Variants in FAP observed in about 807,000 individuals in gnomAD.
The protein encoded by FAP is fibroblast activation protein alpha, also known as prolyl endopeptidase FAP.
Under a neutral mutation model 126.5 loss-of-function variants are expected in FAP, and 110 were observed. The observed-to-expected ratio is 0.87, with a 90% CI of 0.74 to 1.02. The LOEUF (loss-of-function observed/expected upper bound fraction) is 1.02. FAP is among the 50% of genes least tolerant of loss of function. The pLI is 0.00. For missense variants in FAP, 919 were observed against 909.2 expected (o/e 1.01, Z -0.14); for synonymous variants, 334 against 297.3 (o/e 1.12, Z -1.27).
intron 20 of FAP, among the ~76,000 whole-genome samples, chr2:162,187,778 G>GC (rs1191561287): frequency 6.6e-6 from 1 of 152,050 alleles, no homozygotes; most frequent in Non-Finnish European, 1.5e-5. Flanking sequence ...AAAATCTTGA[G>GC]CCATTTCTAA....
rs551585200 is a variant in FAP at position 162,214,161 on chromosome 2, A to T, written c.867-88T>A. Reference sequence around the variant, plus strand: ...TTAATTTTTGTTTTCTAAAGGATATATGTCATTATTATACATTACTTATTT... The same window carrying T: ...TTAATTTTTGTTTTCTAAAGGATATTTGTCATTATTATACATTACTTATTT... On this transcript the variant is annotated intron_variant, in intron 10 of 25. Coordinates refer to ENST00000188790, the MANE Select transcript of FAP (RefSeq NM_004460.5). 134 of 1,278,246 alleles carry T rather than the reference A, an allele frequency of 1.0e-4. No individual in the cohort carries two copies. In the African/African-American group the frequency reaches 1.9e-3, roughly 18 times the overall value. The allele number at this position is 1,278,246 out of a possible 1,614,324, so 79.2% of individuals were successfully genotyped here. A position where few individuals can be genotyped will look rare whatever the true frequency, so the allele number is the denominator to read the frequency against.
At chr2:162,199,647 C>T (rs3788972) in intron 15 of FAP, among the ~76,000 whole-genome samples, 5,383 of 151,042 alleles carry the variant, frequency 0.036, 472 homozygotes, top group Admixed American at 0.21. Context: ...CCCCATGGTG[C>T]CTGTCAGGGT....
Position 162,226,628 on chromosome 2 carries a change from G to C in FAP, c.92-7C>G. ...TTTTCTTCAGAGTTATGAACTTTGG[G>C]GGAAGAGCAAATACATCCTTATTAA... On this transcript the variant is annotated splice_region_variant and splice_polypyrimidine_tract_variant and intron_variant, in intron 2 of 25. Coordinates refer to ENST00000188790, the MANE Select transcript of FAP (RefSeq NM_004460.5). 6.8e-7 allele frequency: 1 copy of C among 1,480,752 alleles called. No homozygotes were observed. The highest frequency in any genetic ancestry group is 9.3e-7 in the Non-Finnish European group (1 of 1,070,654). 91.7% of individuals were successfully genotyped at this position (1,480,752 alleles called of 1,614,324 possible). A position where few individuals can be genotyped will look rare whatever the true frequency, so the allele number is the denominator to read the frequency against.
intron 2 of FAP, among the ~76,000 whole-genome samples, chr2:162,238,292 C>G (rs1690218679): frequency 6.6e-6 from 1 of 152,188 alleles, no homozygotes. Context: ...TTGCACACCT[C>G]TGGCTCAGAC....
intron 12 of FAP, among the ~76,000 whole-genome samples, chr2:162,208,369 A>G (rs1190324996): frequency 6.6e-6 from 1 of 152,180 alleles, no homozygotes; most frequent in African/African-American, 2.4e-5. Context: ...AAGATACTGA[A>G]GATGCTTATA....
intron 2 of FAP, among the ~76,000 whole-genome samples, chr2:162,236,862 A>G (rs56951719): frequency 0.037 from 5,702 of 152,258 alleles, 361 homozygotes; most frequent in African/African-American, 0.13. Context: ...TCAGCCTCCC[A>G]AAGTGCTGCA....
chr2:162,171,050 C>A lies in FAP; in HGVS notation c.2212G>T (p.Gly738Cys). The A allele has an allele frequency of 6.2e-7, 1 of 1,612,942 alleles. No individual in the cohort carries two copies. The change falls in exon 26 of 26, where the codon GGC becomes TGC. Residue 738 changes from glycine (G) to cysteine (C), a missense_variant. Gly to Cys is a radical substitution (Grantham distance 159). Transcript: ENST00000188790. ...GTGTATAAGTGGTTCGTGGACAGGC[C>A]GGATAAGCCGTGGTTCTGGTCAGAG... Reference protein sequence around the residue: ...WYSDQNHGLSGLSTNHLYTHM... With the variant: ...WYSDQNHGLSCLSTNHLYTHM...
chr2:162,173,205 G>A lies in FAP; in HGVS notation c.2051C>T (p.Ala684Val). The A allele has an allele frequency of 6.2e-7, 1 of 1,612,874 alleles. No homozygotes were observed. Among genetic ancestry groups the A allele is most frequent in the Admixed American group, 1.7e-5 (1 of 59,956 alleles). Residue 684 changes from alanine (A) to valine (V), a missense_variant, in exon 24 of 26, where the codon GCA (alanine) becomes GTA (valine). Coordinates refer to ENST00000188790, the MANE Select transcript of FAP (RefSeq NM_004460.5). ...LEHYKNSTVM[A>V]RAEYFRNVDY... ...TACATTTCTGAAATATTCTGCTCTT[G>A]CCATCACAGTTGAATTCTGGAAAAG...
intron 11 of FAP, among the ~76,000 whole-genome samples, chr2:162,210,535 A>G (rs1464255839): frequency 6.6e-6 from 1 of 152,174 alleles, no homozygotes; most frequent in East Asian, 1.9e-4. Context: ...CTGCTTAGTC[A>G]CCCAACAGAT....
chr2:162,219,214 A>G, intron 7 of FAP, 31 bp from the exon 8 acceptor site: 1 of 1,587,972 alleles, frequency 6.3e-7, no homozygotes, highest in South Asian at 1.1e-5. Flanking sequence ...AAATTCCACA[A>G]CAAATTAAAT....
At chr2:162,236,906 T>A (rs982752832) in intron 2 of FAP, among the ~76,000 whole-genome samples, 2 of 152,204 alleles carry the variant, frequency 1.3e-5, no homozygotes, top group African/African-American at 4.8e-5. Context: ...ATCTGTTTTC[T>A]TTTTTAACAT....
chr2:162,194,590 A>G lies in FAP; in HGVS notation c.1450+111T>C, dbSNP rs1010753207. ...ATAAGTGATGTGATAACAGGATTCC[A>G]TCGCAGTTCCCCTTGGTGGTGTGGA... On this transcript the variant is annotated intron_variant, in intron 17 of 25. Transcript: ENST00000188790. 9 of 888,576 alleles carry G rather than the reference A, an allele frequency of 1.0e-5. No individual in the cohort carries two copies. In the Middle Eastern group the frequency reaches 6.6e-4, roughly 65 times the overall value. 55.0% of individuals were successfully genotyped at this position (888,576 alleles called of 1,614,324 possible). A position where few individuals can be genotyped will look rare whatever the true frequency, so the allele number is the denominator to read the frequency against.
chr2:162,213,934 C>T lies in FAP; in HGVS notation c.1002+4G>A. ...TACGTATCTGTGATCTTAATATACC[C>T]TACCTTTGGACAATCCCATGTCTGC... On this transcript the variant is annotated splice_donor_region_variant and intron_variant, in intron 11 of 25. Transcript: ENST00000188790. 1.2e-6 allele frequency: 2 copies of T among 1,612,474 alleles called. No homozygotes were observed. Among genetic ancestry groups the T allele is most frequent in the Non-Finnish European group, 1.7e-6 (2 of 1,179,132 alleles).
At chr2:162,178,655 A>G (rs974870269) in intron 21 of FAP, among the ~76,000 whole-genome samples, 1 of 152,202 alleles carries the variant, frequency 6.6e-6, no homozygotes. Context: ...GAGCCAGAAA[A>G]TGAAAGGGGA....
At chr2:162,196,518 CTTT>C (rs3051148) in intron 16 of FAP, among the ~76,000 whole-genome samples, 28 of 127,664 alleles carry the variant, frequency 2.2e-4, no homozygotes, top group Admixed American at 2.3e-4. Flanking sequence ...ACTTGCATAT[CTTT>C]TTTTTTTTTT....
Position 162,203,717 on chromosome 2 carries a change from G to A in FAP, c.1048-572C>T, listed in dbSNP as rs116338451. Among the ~76,000 whole-genome samples the A allele has an allele frequency of 3.6e-3, 544 of 152,236 alleles. 3 individuals carry two copies. The highest frequency in any genetic ancestry group is 0.012 in the African/African-American group (500 of 41,564). ...GTTTACTCCTTGAGCACAGGAAGCC[G>A]ACTGCAGACTGACCTCAATGCCCTG... On this transcript the variant is annotated intron_variant, in intron 12 of 25. Coordinates refer to ENST00000188790, the MANE Select transcript of FAP (RefSeq NM_004460.5).
Position 162,198,773 on chromosome 2 carries a change from A to G in FAP, c.1386T>C (p.Tyr462=), listed in dbSNP as rs757787416. The G allele has an allele frequency of 1.5e-5, 25 of 1,614,006 alleles. No individual in the cohort carries two copies. The African/African-American group carries it at 2.1e-4, about 14-fold the overall frequency. ...GTTACCTACCGTAGCAGACAAGTGC[A>G]TAGTACTTGGCGTAGTCGCTGAAAC... The part of the protein sequence containing the change: ...TASFSDYAKY[Y]ALVCYGPGIP... The change falls in exon 16 of 26, where the codon TAT becomes TAC. Residue 462 remains tyrosine, a synonymous_variant. Coordinates refer to ENST00000188790, the MANE Select transcript of FAP (RefSeq NM_004460.5).
At position 162,215,953 on chromosome 2, in the gene FAP, A is replaced by G; in HGVS notation, c.811T>C (p.Tyr271His). 6.2e-7 allele frequency: 1 copy of G among 1,614,154 alleles called. No individual in the cohort carries two copies. Among genetic ancestry groups the G allele is most frequent in the Middle Eastern group, 1.6e-4 (1 of 6,062 alleles). ...TCCTGGGGACCTACATACGCAGGGT[A>G]AGTGGTATCGATAATAAATATCCGA... Reference protein sequence around the residue: ...VVRIFIIDTTYPAYVGPQEVP... With the variant: ...VVRIFIIDTTHPAYVGPQEVP... Residue 271 changes from tyrosine (Y) to histidine (H), a missense_variant, in exon 10 of 26, where the codon TAC (tyrosine) becomes CAC (histidine). Transcript: ENST00000188790.
chr2:162,191,886 T>G (rs1018434089), intron 17 of FAP, among the ~76,000 whole-genome samples: 1 of 152,124 alleles, frequency 6.6e-6, no homozygotes, highest in African/African-American at 2.4e-5. Context: ...GCAGGGAAAA[T>G]GAAGCCACTT....
Sources: allele counts gnomAD v4.1 joint callset (sites outside exome capture counted in the v4.1 genomes callset), GRCh38; gene constraint gnomAD v4.1.1; transcripts MANE v1.5; gene names NCBI Gene and HGNC (gene_info 2026-07-23, HGNC 2026-07-21).